Variants in ZNF140 observed in about 807,000 individuals in gnomAD.
ZNF140 encodes zinc finger protein 140 (clone pHZ-39).
A neutral mutation model predicts 12.9 loss-of-function variants in ZNF140; 13 were observed. The ratio of observed to expected loss-of-function variants is 1.01; its 90% confidence interval spans 0.66 to 1.60. The LOEUF is 1.60. ZNF140 is among the 40% of genes most tolerant of loss of function. The pLI is 0.00. For synonymous variants in ZNF140, 214 were observed against 186.7 expected, an observed-to-expected ratio of 1.15 and a Z score of -1.19; for missense variants, 531 against 548.8, an observed-to-expected ratio of 0.97 and a Z score of 0.32.
At chr12:133,093,556 A>G in intron 4 of ZNF140, 2 of 685,146 alleles carry the variant, frequency 2.9e-6, no homozygotes, top group Non-Finnish European at 5.3e-6. Context: ...ACACAAGCAA[A>G]ATCTCTCCCC....
chr12:133,094,913 T>C (rs1404467827), intron 4 of ZNF140, among the ~76,000 whole-genome samples: 1 of 151,480 alleles, frequency 6.6e-6, no homozygotes, highest in Non-Finnish European at 1.5e-5. Context: ...ACATTTTGCG[T>C]TGACCGAGCC....
chr12:133,105,801 C>T lies in ZNF140; in HGVS notation c.524C>T (p.Ser175Phe), dbSNP rs1955570244. Reference protein sequence around the residue: ...ECGKTFGRRFSLVLHQRTHTG... With the variant: ...ECGKTFGRRFFLVLHQRTHTG... ...GGAAAAACTTTTGGTCGACGCTTTT[C>T]CCTGGTGTTACACCAGAGGACTCAT... Residue 175 changes from serine (S) to phenylalanine (F), a missense_variant, in exon 5 of 5, where the codon TCC becomes TTC. By Grantham distance (155) the Ser-to-Phe change is radical. Coordinates refer to ENST00000355557, the MANE Select transcript of ZNF140 (RefSeq NM_003440.4). 3 of 1,614,176 alleles carry T rather than the reference C, an allele frequency of 1.9e-6. No individual in the cohort carries two copies. Among genetic ancestry groups the T allele is most frequent in the Admixed American group, 1.7e-5 (1 of 60,028 alleles).
At chr12:133,097,827 G>GTGTGTGTGTGTGTGTGTT (rs1955187197) in intron 4 of ZNF140, among the ~76,000 whole-genome samples, 1 of 148,920 alleles carries the variant, frequency 6.7e-6, no homozygotes, top group African/African-American at 2.6e-5. Flanking sequence ...CCATGTGTGT[G>GTGTGTGTGTGTGTGTGTT]TGTGTGTGTG....
At chr12:133,086,358 A>G (rs1163149307) in intron 4 of ZNF140, among the ~76,000 whole-genome samples, 1 of 152,234 alleles carries the variant, frequency 6.6e-6, no homozygotes, top group Non-Finnish European at 1.5e-5. Context: ...ATTTTCATCT[A>G]TCAGAAGGGT....
rs748048702 is a variant in ZNF140, at chr12:133,106,346, TATGA to T, written c.1073_1076del (p.Glu358ValfsTer132). Reference sequence around the variant, plus strand: ...GAGAATTCATGCTGGAGAAAAGCTCTATGAATGTGATGAATGTGGTAAAGTTTTC... The same window carrying T: ...GAGAATTCATGCTGGAGAAAAGCTCTATGTGATGAATGTGGTAAAGTTTTC... On this transcript the variant is annotated frameshift_variant, in exon 5 of 5. Transcript: ENST00000355557. LOFTEE classifies it low-confidence loss of function (END_TRUNC). 1 of 1,614,194 alleles carries T rather than the reference TATGA, an allele frequency of 6.2e-7. No homozygotes were observed. The highest frequency in any genetic ancestry group is 1.1e-5 in the South Asian group (1 of 91,082).
chr12:133,096,141 C>T (rs1035926983), intron 4 of ZNF140, among the ~76,000 whole-genome samples: 3 of 151,000 alleles, frequency 2.0e-5, no homozygotes, highest in East Asian at 3.9e-4. Flanking sequence ...CAATACCCCG[C>T]TTCCAAGGGC....
intron 4 of ZNF140, among the ~76,000 whole-genome samples, chr12:133,104,420 C>T (rs796538148): frequency 2.4e-4 from 36 of 150,744 alleles, no homozygotes; most frequent in African/African-American, 8.1e-4. Flanking sequence ...GGCGCAATCT[C>T]GGTTCACCGC....
At chr12:133,087,465 A>G (rs1187813928) in intron 4 of ZNF140, among the ~76,000 whole-genome samples, 1 of 151,906 alleles carries the variant, frequency 6.6e-6, no homozygotes, top group African/African-American at 2.4e-5. Flanking sequence ...TGGAAATTCT[A>G]AATTGGTAGG....
intron 4 of ZNF140, among the ~76,000 whole-genome samples, chr12:133,086,564 G>T (rs1954682589): frequency 6.6e-6 from 1 of 152,022 alleles, no homozygotes; most frequent in South Asian, 2.1e-4. Flanking sequence ...TTTGCTAATT[G>T]TATGTACTTC....
intron 4 of ZNF140, among the ~76,000 whole-genome samples, chr12:133,104,382 C>A (rs574942707): frequency 7.9e-4 from 116 of 146,278 alleles, no homozygotes; most frequent in Non-Finnish European, 1.5e-3. Flanking sequence ...GACAGACTCT[C>A]GCTCTGTCAC....
intron 4 of ZNF140, among the ~76,000 whole-genome samples, chr12:133,100,686 G>T (rs1955314164): frequency 6.6e-6 from 1 of 152,156 alleles, no homozygotes; most frequent in Non-Finnish European, 1.5e-5. Flanking sequence ...GAAGCACTTT[G>T]TAGCTTCTTT....
At chr12:133,085,025 A>C (rs1593744608) in intron 4 of ZNF140, among the ~76,000 whole-genome samples, 1 of 151,356 alleles carries the variant, frequency 6.6e-6, no homozygotes, top group Non-Finnish European at 1.5e-5. Context: ...TAATTCTACT[A>C]CTTTTTTTTT....
rs201820299 is a variant in ZNF140, at chr12:133,105,508, A to G, written c.233-2A>G. 394 of 1,574,378 alleles carry G rather than the reference A, an allele frequency of 2.5e-4. 1 individual carries two copies. Among genetic ancestry groups the G allele is most frequent in the Non-Finnish European group, 2.4e-4 (285 of 1,163,962 alleles). ...ATTCACTTTTTTTTTGGTATCTTTC[A>G]GTTTCAGAGTCAAGTGGTGAGATCA... On this transcript the variant is annotated splice_acceptor_variant, in intron 4 of 4. Coordinates refer to ENST00000355557, the MANE Select transcript of ZNF140 (RefSeq NM_003440.4). LOFTEE classifies it high-confidence loss of function.
intron 4 of ZNF140, among the ~76,000 whole-genome samples, chr12:133,085,834 T>G (rs1954655868): frequency 1.3e-5 from 2 of 152,038 alleles, no homozygotes; most frequent in Non-Finnish European, 2.9e-5. Flanking sequence ...CTGGGCAACA[T>G]AGAGAGACCC....
At chr12:133,080,719 T>C (rs1451517992), upstream of ZNF140, 3 of 152,402 alleles carry the variant, frequency 2.0e-5, no homozygotes, top group Non-Finnish European at 4.4e-5. Flanking sequence ...CCCTCGTTCT[T>C]TGTCTCCTGG....
intron 4 of ZNF140, among the ~76,000 whole-genome samples, chr12:133,097,819 A>ATGTGTGTGTG (rs71079166): frequency 1.3e-4 from 19 of 143,162 alleles, no homozygotes; most frequent in South Asian, 2.4e-4. Context: ...ACATCTAACC[A>ATGTGTGTGTG]TGTGTGTGTG....
At chr12:133,095,939 A>G (rs1369176723) in intron 4 of ZNF140, among the ~76,000 whole-genome samples, 8 of 151,678 alleles carry the variant, frequency 5.3e-5, no homozygotes, top group Non-Finnish European at 1.2e-4. Flanking sequence ...ATCGGGTTTT[A>G]TACCGAGACA....
At chr12:133,081,858 C>T in intron 2 of ZNF140, 1 of 216,300 alleles carries the variant, frequency 4.6e-6, no homozygotes, top group Non-Finnish European at 9.6e-6. Flanking sequence ...GATCCTTGGA[C>T]CAGCAGTATC....
At chr12:133,095,685 A>G (rs983401423) in intron 4 of ZNF140, among the ~76,000 whole-genome samples, 5 of 151,866 alleles carry the variant, frequency 3.3e-5, no homozygotes, top group Middle Eastern at 3.2e-3. Context: ...AAAGGAATGT[A>G]GTAGGAGAGC....
Sources: allele counts gnomAD v4.1 joint callset (sites outside exome capture counted in the v4.1 genomes callset), GRCh38; gene constraint gnomAD v4.1.1; transcripts MANE v1.5; gene names NCBI Gene and HGNC (gene_info 2026-07-23, HGNC 2026-07-21).